PCDHGB2: variants seen among roughly 807,000 people sequenced by gnomAD.
PCDHGB2 encodes the protein protocadherin gamma subfamily B, 2.
A neutral mutation model predicts 59.3 loss-of-function variants in PCDHGB2; 55 were observed. The ratio of observed to expected loss-of-function variants is 0.93; its 90% CI spans 0.75 to 1.16. The LOEUF (loss-of-function observed/expected upper bound fraction) is 1.16, where lower values mean the gene tolerates loss of function less well. Ranked by LOEUF, PCDHGB2 falls within the 50% of genes most tolerant of loss-of-function variation. PCDHGB2 has a pLI of 0.00. For missense variants in PCDHGB2, 1,228 were observed against 1,198.5 expected (o/e 1.02, Z -0.36); for synonymous variants, 516 against 512.0 (o/e 1.01, Z -0.11).
intron 1 of PCDHGB2, chr5:141,375,850 C>A (rs931838448): frequency 1.9e-6 from 3 of 1,614,070 alleles, no homozygotes; most frequent in East Asian, 2.2e-5. Context: ...ACCTGGTGAC[C>A]AAGGTGGTGG....
At chr5:141,448,247 A>G (rs1449158776) in intron 1 of PCDHGB2, among the ~76,000 whole-genome samples, 1 of 152,104 alleles carries the variant, frequency 6.6e-6, no homozygotes, top group Non-Finnish European at 1.5e-5. Flanking sequence ...TTTGCACAAC[A>G]GGATCATTTT....
At chr5:141,405,004 G>A in intron 1 of PCDHGB2, 1 of 1,613,960 alleles carries the variant, frequency 6.2e-7, no homozygotes, top group South Asian at 1.1e-5. Flanking sequence ...CTGCAGACCT[G>A]GAGGCCTCAG....
chr5:141,442,317 A>T (rs1257883989), intron 1 of PCDHGB2: 2 of 152,400 alleles, frequency 1.3e-5, no homozygotes, highest in Admixed American at 6.5e-5. Context: ...ACGGATGTCT[A>T]TCCCGCGCTA....
chr5:141,499,689 CTTTTTTTTT>C (rs545067566), intron 2 of PCDHGB2, among the ~76,000 whole-genome samples: 2 of 119,856 alleles, frequency 1.7e-5, no homozygotes, highest in African/African-American at 6.2e-5. Flanking sequence ...TAACAGATGA[CTTTTTTTTT>C]TTTTTTTTTT....
Position 141,489,714 on chromosome 5 carries a change from G to C in PCDHGB2, c.2422-5093G>C, listed in dbSNP as rs770143357. On this transcript the variant is annotated intron_variant, in intron 1 of 3. Coordinates refer to ENST00000522605, the MANE Select transcript of PCDHGB2 (RefSeq NM_018923.3). The surrounding 1 kb of genome is among the most constrained non-coding windows in gnomAD (Gnocchi z 4.5). Reference sequence around the variant, plus strand: ...CACGATTCCCACTGGACAGTGCCCAGGATCCGGATGTGGGCACCAATACTG... The same window carrying C: ...CACGATTCCCACTGGACAGTGCCCACGATCCGGATGTGGGCACCAATACTG... 7.4e-6 allele frequency: 12 copies of C among 1,613,958 alleles called. No individual in the cohort carries two copies. The highest frequency in any genetic ancestry group is 1.0e-5 in the Non-Finnish European group (12 of 1,179,930).
chr5:141,424,956 T>C (rs1435882776), intron 1 of PCDHGB2, among the ~76,000 whole-genome samples: 3 of 152,176 alleles, frequency 2.0e-5, no homozygotes, highest in African/African-American at 7.2e-5. Context: ...TTCTAGGTAT[T>C]TGCCCCAAAT....
intron 1 of PCDHGB2, chr5:141,389,352 AT>A (rs1561624660): frequency 6.2e-7 from 1 of 1,613,628 alleles, no homozygotes; most frequent in African/African-American, 1.3e-5. Context: ...TTACTGCATC[AT>A]GGCCAGTGAC....
chr5:141,473,647 C>T (rs2099326149), intron 1 of PCDHGB2, among the ~76,000 whole-genome samples: 1 of 152,172 alleles, frequency 6.6e-6, no homozygotes, highest in Non-Finnish European at 1.5e-5. Flanking sequence ...GGCAAAGGAA[C>T]AATTTGTGTG....
At chr5:141,488,198 GGACTC>G in intron 1 of PCDHGB2, among the ~76,000 whole-genome samples, 1 of 152,166 alleles carries the variant, frequency 6.6e-6, no homozygotes, top group Non-Finnish European at 1.5e-5. Context: ...CTGGGTCTTA[GGACTC>G]ATATCAAGTC....
intron 1 of PCDHGB2, chr5:141,433,010 C>A (rs1392666523): frequency 6.2e-7 from 1 of 1,614,178 alleles, no homozygotes. Flanking sequence ...GGCTTTCCTG[C>A]AGACCTATTC....
chr5:141,399,699 C>A lies in PCDHGB2; in HGVS notation c.2421+37143C>A, dbSNP rs555724833. ...TTGACTACGAGCAGCTGCGCACCTT[C>A]GAACTCACACTACAGGCCCGCGACC... On this transcript the variant is annotated intron_variant, in intron 1 of 3. Coordinates refer to ENST00000522605, the MANE Select transcript of PCDHGB2 (RefSeq NM_018923.3). The A allele has an allele frequency of 1.9e-6, 3 of 1,613,476 alleles. No homozygotes were observed. In the East Asian group the frequency reaches 6.7e-5, roughly 36 times the overall value.
chr5:141,419,605 G>A, intron 1 of PCDHGB2: 1 of 1,611,776 alleles, frequency 6.2e-7, no homozygotes, highest in Non-Finnish European at 8.5e-7. Flanking sequence ...CGCGGGCCGC[G>A]CAGCCAGGCT....
At chr5:141,395,547 TGTGTGTGTGTGTGTGTGTG>T (rs2093270842) in intron 1 of PCDHGB2, 3 of 174,256 alleles carry the variant, frequency 1.7e-5, no homozygotes, top group Non-Finnish European at 3.5e-5. Flanking sequence ...ATTGTTTGTG[TGTGTGTGTGTGTGTGTGTG>T]TGTGTGTGTG....
At chr5:141,382,795 T>G in intron 1 of PCDHGB2, 8 of 982,614 alleles carry the variant, frequency 8.1e-6, no homozygotes, top group Non-Finnish European at 1.2e-5. Context: ...TCTATCCTGC[T>G]GGATTCTGAG....
intron 1 of PCDHGB2, among the ~76,000 whole-genome samples, chr5:141,473,736 G>A (rs1278322296): frequency 1.3e-5 from 2 of 152,202 alleles, no homozygotes; most frequent in Non-Finnish European, 2.9e-5. Flanking sequence ...AGAGGGAGAA[G>A]ACATGAGAAC....
Position 141,511,126 on chromosome 5 carries a change from G to A in PCDHGB2, c.2749G>A (p.Gly917Ser). The A allele has an allele frequency of 1.9e-6, 3 of 1,614,212 alleles. No individual in the cohort carries two copies. The highest frequency in any genetic ancestry group is 2.2e-5 in the South Asian group (2 of 91,086). The change falls in exon 4 of 4, where the codon GGT becomes AGT. Residue 917 changes from glycine to serine, a missense_variant. Coordinates refer to ENST00000522605, the MANE Select transcript of PCDHGB2 (RefSeq NM_018923.3). ...AGKRDGKAPA[G>S]GNGNKKKSGK... ...CAAGCGGGATGGCAAGGCCCCAGCA[G>A]GTGGCAATGGCAACAAGAAGAAGTC...
chr5:141,457,944 C>A (rs761151349), intron 1 of PCDHGB2, among the ~76,000 whole-genome samples: 33 of 152,310 alleles, frequency 2.2e-4, no homozygotes, highest in Non-Finnish European at 4.6e-4. Context: ...ATTGGCTCTG[C>A]ATGTCAAGCT....
intron 1 of PCDHGB2, chr5:141,422,273 C>T: frequency 6.4e-7 from 1 of 1,560,808 alleles, no homozygotes; most frequent in Non-Finnish European, 8.6e-7. Flanking sequence ...CCAGAAATAA[C>T]TATCACCTCT....
chr5:141,374,934 T>C (rs1296373171), intron 1 of PCDHGB2: 2 of 1,614,038 alleles, frequency 1.2e-6, no homozygotes, highest in Admixed American at 1.7e-5. Context: ...TTTGTGAAGA[T>C]TACAGAAAAG....
Sources: gnomAD v4.1 joint callset for allele counts (sites outside exome capture counted in the v4.1 genomes callset) on GRCh38, gnomAD v4.1.1 for gene constraint, Gnocchi (gnomAD v3.1) non-coding constraint, MANE v1.5 for transcripts, NCBI Gene and HGNC (gene_info 2026-07-23, HGNC 2026-07-21) for gene names.